The following UBA1 variants were observed in gnomAD, a reference collection of about 807,000 sequenced individuals.
UBA1 encodes ubiquitin-like modifier-activating enzyme 1.
UBA1 carries 4 observed loss-of-function variants against 84.7 expected under a neutral mutation model. That is an observed-to-expected ratio of 0.05 (90% CI 0.02 to 0.11). The LOEUF is 0.11. Among genes scored for constraint, UBA1 ranks in the 10% least tolerant of loss-of-function variants. UBA1 has a pLI of 1.00. For missense variants in UBA1, 513 were observed against 902.8 expected, an observed-to-expected ratio of 0.57 and a Z score of 5.53; for synonymous variants, 364 against 362.6, an observed-to-expected ratio of 1.00 and a Z score of -0.04.
chrX:47,211,682 C>T (rs544909499), intron 20 of UBA1, among the ~76,000 whole-genome samples: 44 of 108,213 alleles, frequency 4.1e-4, no homozygotes, highest in Middle Eastern at 4.6e-3. Context: ...CCCACCCCAC[C>T]CCATCTGCAT....
rs782076596 is a variant in UBA1, at chrX:47,213,193, C to T, written c.2838+12C>T. On this transcript the variant is annotated intron_variant, in intron 23 of 25. Coordinates refer to ENST00000335972, the MANE Select transcript of UBA1 (RefSeq NM_003334.4). ...CACCACGTCACCAGGTGGGGGCCTG[C>T]ATCCGAAGCAGGGTTTGGGTGGGGT... 7.5e-6 allele frequency: 9 copies of T among 1,207,692 alleles called. No homozygotes were observed. The South Asian group carries it at 1.1e-4, about 14-fold the overall frequency.
At chrX:47,205,725 A>G (rs994075410) in intron 14 of UBA1, 16 of 447,690 alleles carry the variant, frequency 3.6e-5, no homozygotes, top group Admixed American at 2.9e-4. Flanking sequence ...ATGGTGGCAC[A>G]CACCTGTGGT....
chrX:47,208,326 T>TGTGTGTAC (rs55748114), intron 16 of UBA1, among the ~76,000 whole-genome samples: 2 of 47,612 alleles, frequency 4.2e-5, no homozygotes, highest in Non-Finnish European at 7.4e-5. Flanking sequence ...TGTGTGTACG[T>TGTGTGTAC]GTGTGTGTGT....
At chrX:47,199,787 C>CTT (rs371252758) in intron 5 of UBA1, among the ~76,000 whole-genome samples, 173 bp downstream of exon 5, 1 of 101,962 alleles carries the variant, frequency 9.8e-6, no homozygotes, top group Non-Finnish European at 2.0e-5. Flanking sequence ...TTCTTTTCTT[C>CTT]TTTTTTTTTT....
chrX:47,195,493 C>T (rs1242235285), intron 1 of UBA1, among the ~76,000 whole-genome samples: 2 of 111,371 alleles, frequency 1.8e-5, no homozygotes, highest in Non-Finnish European at 3.8e-5. Flanking sequence ...TCAGGTGATC[C>T]ACCTGCCTCG....
intron 1 of UBA1, among the ~76,000 whole-genome samples, chrX:47,195,653 A>C (rs1305853904): frequency 1.8e-5 from 2 of 111,023 alleles, no homozygotes; most frequent in Non-Finnish European, 3.8e-5. Context: ...ACCCAACCCC[A>C]TTTGGGGACC....
chrX:47,205,768 C>T (rs1349926866), intron 14 of UBA1, 180 bp from the exon 15 acceptor site: 2 of 517,115 alleles, frequency 3.9e-6, no homozygotes, highest in African/African-American at 2.3e-5. Context: ...GTGGGAGGAT[C>T]GCTGGAGCCT....
intron 13 of UBA1, 57 bp from the exon 14 acceptor site, chrX:47,203,483 TC>T: frequency 8.4e-7 from 1 of 1,195,740 alleles, no homozygotes; most frequent in Non-Finnish European, 1.1e-6. Flanking sequence ...ATGGGTAGCT[TC>T]ACACTAACCT....
chrX:47,201,217 C>T (rs1434731330), intron 6 of UBA1, 59 bp from the exon 7 acceptor site: 3 of 1,037,595 alleles, frequency 2.9e-6, no homozygotes, highest in Non-Finnish European at 4.0e-6. Context: ...TCTTGAGGGA[C>T]CCGTGGGACC....
In UBA1 at chrX:47,206,344, T is replaced by C; in HGVS notation, c.1838T>C (p.Phe613Ser). ...TKGNVQVVIP[F>S]LTESYSSSQD... ...GGCAATGTGCAGGTGGTGATCCCCT[T>C]CCTGACAGAGTCGTACAGTTCCAGC... The change falls in exon 16 of 26, where the codon TTC (phenylalanine) becomes TCC (serine). Residue 613 changes from phenylalanine to serine, a missense_variant. This residue lies in a region of UBA1 where 40 missense variants were observed against 138.3 expected (regional missense o/e 0.29). Coordinates refer to ENST00000335972, the MANE Select transcript of UBA1 (RefSeq NM_003334.4). 1 of 1,211,829 alleles carries C rather than the reference T, an allele frequency of 8.3e-7. No individual in the cohort carries two copies.
chrX:47,198,244 C>T (rs1189171438), intron 1 of UBA1: 17 of 980,011 alleles, frequency 1.7e-5, no homozygotes, highest in South Asian at 9.9e-5. Flanking sequence ...CCGCTCCCGC[C>T]GCCATCCCTG....
chrX:47,201,938 C>T (rs1200559930), intron 8 of UBA1, among the ~76,000 whole-genome samples: 2 of 111,244 alleles, frequency 1.8e-5, no homozygotes, highest in Non-Finnish European at 3.8e-5. Flanking sequence ...AAGGTCTTCC[C>T]GTGTAGACTT....
intron 14 of UBA1, 77 bp from the exon 15 acceptor site, chrX:47,205,871 T>C: frequency 9.1e-7 from 1 of 1,096,074 alleles, no homozygotes; most frequent in Non-Finnish European, 1.2e-6. Context: ...ATAAAGATGT[T>C]TGTTGGGTGA....
At chrX:47,214,757 C>T in intron 25 of UBA1, 37 bp from the exon 26 acceptor site, 2 of 1,208,051 alleles carry the variant, frequency 1.7e-6, no homozygotes, top group Non-Finnish European at 2.2e-6. Flanking sequence ...TTGCTTTCTG[C>T]CCTCCTGACC....
chrX:47,201,372 G>A lies in UBA1; in HGVS notation c.678+6G>A, dbSNP rs781818688. On this transcript the variant is annotated splice_donor_region_variant and intron_variant, in intron 7 of 25. Coordinates refer to ENST00000335972, the MANE Select transcript of UBA1 (RefSeq NM_003334.4). ...TGGTTTCTATGGTTACCAAGGTAAG[G>A]AGACCAGCCCTAGGGTTCCTGGCAG... 10 of 1,207,790 alleles carry A rather than the reference G, an allele frequency of 8.3e-6. No individual in the cohort carries two copies. The highest frequency in any genetic ancestry group is 5.6e-6 in the Non-Finnish European group (5 of 893,767).
chrX:47,212,012 G>C lies in UBA1; in HGVS notation c.2465-412G>C, dbSNP rs1192833171. On this transcript the variant is annotated intron_variant, in intron 20 of 25. Coordinates refer to ENST00000335972, the MANE Select transcript of UBA1 (RefSeq NM_003334.4). The stretch of plus-strand genomic sequence containing the variant: ...ATCTCCCCCCATATCTTTCCTCTAT[G>C]TCCACATCTGTGTATTCCCCCCAAC... Among the ~76,000 whole-genome samples the C allele has an allele frequency of 3.8e-5, 3 of 78,569 alleles. No individual in the cohort carries two copies. In the Admixed American group the frequency reaches 6.2e-4, roughly 16 times the overall value. The allele number at this position is 78,569 out of a possible 115,157, so 68.2% of individuals were successfully genotyped here. A position where few individuals can be genotyped will look rare whatever the true frequency, so the allele number is the denominator to read the frequency against.
intron 17 of UBA1, 88 bp from the exon 18 acceptor site, chrX:47,209,840 T>C: frequency 8.8e-7 from 1 of 1,134,891 alleles, no homozygotes; most frequent in Non-Finnish European, 1.2e-6. Flanking sequence ...TCGGGACTAG[T>C]TTTCCATGGA....
Position 47,203,624 on chromosome X carries a change from C to T in UBA1, c.1503C>T (p.Ile501=), listed in dbSNP as rs782544619. ...GCTGCGGGGAGGGTGGAGAAATCAT[C>T]GTTACAGACATGGACACCATTGAGA... ...GLGCGEGGEI[I]VTDMDTIEKS... is the part of the protein sequence containing the mutation. The change falls in exon 14 of 26, where the codon ATC becomes ATT. Residue 501 remains isoleucine, a synonymous_variant. Coordinates refer to ENST00000335972, the MANE Select transcript of UBA1 (RefSeq NM_003334.4). 1.3e-5 allele frequency: 16 copies of T among 1,211,003 alleles called. No individual in the cohort carries two copies. The East Asian group carries it at 3.0e-4, about 22-fold the overall frequency.
chrX:47,205,194 C>G (rs1461345266), intron 14 of UBA1: 1 of 220,844 alleles, frequency 4.5e-6, no homozygotes, highest in African/African-American at 3.0e-5. Context: ...GTCAGGGAGC[C>G]AACTCATTTT....
Sources: allele counts gnomAD v4.1 joint callset (sites outside exome capture counted in the v4.1 genomes callset), GRCh38; gene constraint gnomAD v4.1.1; regional missense constraint gnomAD v4.1.1; transcripts MANE v1.5; gene names NCBI Gene and HGNC (gene_info 2026-07-23, HGNC 2026-07-21).